KCNJ15: variants seen among roughly 807,000 people sequenced by gnomAD.
The protein encoded by KCNJ15 is potassium inwardly rectifying channel subfamily J member 15.
KCNJ15 carries 14 observed loss-of-function variants against 23.0 expected under a neutral mutation model. The observed-to-expected ratio is 0.61, with a 90% CI of 0.40 to 0.95. KCNJ15 has a LOEUF of 0.95. KCNJ15 is among the 40% of genes least tolerant of loss of function. KCNJ15 has a pLI of 0.00. For missense variants in KCNJ15, 388 were observed against 461.8 expected (o/e 0.84, Z 1.46); for synonymous variants, 185 against 183.2 (o/e 1.01, Z -0.08).
chr21:38,275,350 C>T (rs1159992540), intron 1 of KCNJ15, among the ~76,000 whole-genome samples: 1 of 151,836 alleles, frequency 6.6e-6, no homozygotes, highest in Non-Finnish European at 1.5e-5. Context: ...AGTGTAGTTC[C>T]CAATATGGCC....
At chr21:38,245,230 C>T (rs1388802424) in intron 1 of KCNJ15, among the ~76,000 whole-genome samples, 2 of 151,948 alleles carry the variant, frequency 1.3e-5, no homozygotes, top group Admixed American at 1.3e-4. Flanking sequence ...CTCTGTGTGG[C>T]CATATGCCTG....
chr21:38,277,766 A>AAT (rs1175598621), intron 1 of KCNJ15, among the ~76,000 whole-genome samples: 2 of 152,268 alleles, frequency 1.3e-5, no homozygotes, highest in African/African-American at 4.8e-5. Flanking sequence ...AAAGCAATTT[A>AAT]GACAACTACG....
At position 38,302,897 on chromosome 21, in the gene KCNJ15, CT is replaced by C. The variant is rs1408008866; in HGVS notation, c.*2510del. 4 of 152,106 alleles carry C rather than the reference CT, an allele frequency of 2.6e-5. No homozygotes were observed. The highest frequency in any genetic ancestry group is 5.9e-5 in the Non-Finnish European group (4 of 68,018). 9.4% of individuals were successfully genotyped at this position (152,106 alleles called of 1,614,324 possible). On this transcript the variant is annotated 3_prime_UTR_variant, in exon 3 of 3. Transcript: ENST00000398938. ...ACAAATATTGCAGCAGAAATATCACCTTAAAAATATCTTATTTTATATTTAG... is the reference window on the plus strand; with the variant it reads ...ACAAATATTGCAGCAGAAATATCACCTAAAAATATCTTATTTTATATTTAG...
chr21:38,280,437 A>G (rs1364635492), intron 1 of KCNJ15, among the ~76,000 whole-genome samples: 1 of 152,086 alleles, frequency 6.6e-6, no homozygotes. Flanking sequence ...TCTTTGGGAA[A>G]ACAGCATTTG....
Position 38,305,657 on chromosome 21 carries a change from T to C in KCNJ15, c.*5268T>C, listed in dbSNP as rs1483977434. The C allele has an allele frequency of 6.6e-6, 1 of 152,244 alleles. No individual in the cohort carries two copies. Among genetic ancestry groups the C allele is most frequent in the Non-Finnish European group, 1.5e-5 (1 of 68,042 alleles). 9.4% of individuals were successfully genotyped at this position (152,244 alleles called of 1,614,324 possible). A position where few individuals can be genotyped will look rare whatever the true frequency, so the allele number is the denominator to read the frequency against. On this transcript the variant is annotated 3_prime_UTR_variant, in exon 3 of 3. Coordinates refer to ENST00000398938, the MANE Select transcript of KCNJ15 (RefSeq NM_170736.3). Reference sequence around the variant, plus strand: ...TTTAGGATACCTTAAATGTCTTACATGCAACCTTTTTTTCCCCATATATTA... The same window carrying C: ...TTTAGGATACCTTAAATGTCTTACACGCAACCTTTTTTTCCCCATATATTA...
chr21:38,288,425 G>A (rs1984215630), intron 1 of KCNJ15, among the ~76,000 whole-genome samples: 1 of 152,104 alleles, frequency 6.6e-6, no homozygotes, highest in Admixed American at 6.6e-5. Flanking sequence ...GAATGCCAAT[G>A]AAGATAAGAA....
At chr21:38,252,948 G>T (rs139219716), upstream of KCNJ15, among the ~76,000 whole-genome samples, 121 of 152,296 alleles carry the variant, frequency 7.9e-4, no homozygotes, top group African/African-American at 2.8e-3. Flanking sequence ...GGCTATGGGA[G>T]CCACTTCCAT....
At chr21:38,242,485 A>C (rs1979076868) in intron 1 of KCNJ15, among the ~76,000 whole-genome samples, 1 of 152,154 alleles carries the variant, frequency 6.6e-6, no homozygotes. Flanking sequence ...TCAGAGGCAA[A>C]GAGTTTAAAG....
At chr21:38,258,677 C>G (rs1980543759) in intron 1 of KCNJ15, among the ~76,000 whole-genome samples, 1 of 152,184 alleles carries the variant, frequency 6.6e-6, no homozygotes, top group South Asian at 2.1e-4. Flanking sequence ...CAGAAATTGC[C>G]TTAGTTGAAC....
At chr21:38,296,230 A>T (rs913506870) in intron 1 of KCNJ15, among the ~76,000 whole-genome samples, 2 of 149,030 alleles carry the variant, frequency 1.3e-5, no homozygotes, top group African/African-American at 5.2e-5. Flanking sequence ...TTGATTGGTG[A>T]TATATAATAA....
intron 1 of KCNJ15, among the ~76,000 whole-genome samples, chr21:38,268,475 A>G (rs569285551): frequency 1.3e-5 from 2 of 151,240 alleles, no homozygotes; most frequent in South Asian, 2.1e-4. Flanking sequence ...AGCAAAAGTC[A>G]AATGAGTAAC....
At chr21:38,247,169 TATGGATGGATGGACAG>T (rs1373592245) in intron 1 of KCNJ15, among the ~76,000 whole-genome samples, 1 of 113,220 alleles carries the variant, frequency 8.8e-6, no homozygotes, top group Non-Finnish European at 1.9e-5. Context: ...TGTATAGGTA[TATGGATGGATGGACAG>T]ATGGATGGAT....
intron 1 of KCNJ15, among the ~76,000 whole-genome samples, chr21:38,236,080 T>G (rs1978582252): frequency 6.6e-6 from 1 of 152,238 alleles, no homozygotes; most frequent in Admixed American, 6.5e-5. Flanking sequence ...AATATTATAT[T>G]GTTTCATCCC....
At chr21:38,237,949 A>AAACAACAAC (rs3842454) in intron 1 of KCNJ15, among the ~76,000 whole-genome samples, 7 of 151,148 alleles carry the variant, frequency 4.6e-5, no homozygotes, top group Admixed American at 2.6e-4. Context: ...CACAAGCTAA[A>AAACAACAAC]AACAACAACA....
intron 1 of KCNJ15, among the ~76,000 whole-genome samples, chr21:38,274,147 G>C (rs562334639): frequency 2.2e-4 from 34 of 152,322 alleles, no homozygotes; most frequent in Admixed American, 2.0e-3. Context: ...CTTGCAGGCT[G>C]TTCCGCCTGG....
intron 1 of KCNJ15, among the ~76,000 whole-genome samples, chr21:38,288,530 T>G (rs1984230140): frequency 6.6e-6 from 1 of 152,148 alleles, no homozygotes; most frequent in South Asian, 2.1e-4. Flanking sequence ...TAAAAGAAAA[T>G]GTAGTAGTCA....
intron 1 of KCNJ15, among the ~76,000 whole-genome samples, chr21:38,293,132 G>A (rs1311152210): frequency 6.6e-6 from 1 of 152,066 alleles, no homozygotes; most frequent in Non-Finnish European, 1.5e-5. Context: ...ACAACTCTAA[G>A]AACTGTGTGG....
intron 1 of KCNJ15, among the ~76,000 whole-genome samples, chr21:38,259,287 C>T (rs925429179): frequency 4.6e-5 from 7 of 152,012 alleles, no homozygotes; most frequent in African/African-American, 1.7e-4. Flanking sequence ...GTGGTGGATG[C>T]GTCAGAGTCT....
At chr21:38,248,684 T>C (rs964485582) in intron 1 of KCNJ15, among the ~76,000 whole-genome samples, 1 of 152,148 alleles carries the variant, frequency 6.6e-6, no homozygotes, top group Non-Finnish European at 1.5e-5. Context: ...AATTCAAACA[T>C]GAGAGGAGAT....
Sources: allele counts gnomAD v4.1 joint callset (sites outside exome capture counted in the v4.1 genomes callset), GRCh38; gene constraint gnomAD v4.1.1; transcripts MANE v1.5; gene names NCBI Gene and HGNC (gene_info 2026-07-23, HGNC 2026-07-21).